Variants in ERC2 observed in about 807,000 individuals in gnomAD.
ERC2 encodes ERC protein 2.
In ERC2, 42 loss-of-function variants were observed where a neutral mutation model predicts 114.8. The ratio of observed to expected loss-of-function variants is 0.37; its 90% CI spans 0.29 to 0.47. ERC2 has a LOEUF of 0.47. ERC2 is among the 20% of genes least tolerant of loss of function. The pLI, the probability that ERC2 is intolerant of heterozygous loss-of-function variation, is 0.99. For synonymous variants in ERC2, 454 were observed against 425.5 expected (o/e 1.07, Z -0.82); for missense variants, 939 against 1,150.7 (o/e 0.82, Z 2.66).
intron 12 of ERC2, among the ~76,000 whole-genome samples, chr3:55,963,689 C>T (rs1266665502): frequency 2.0e-5 from 3 of 152,168 alleles, no homozygotes; most frequent in East Asian, 3.8e-4. Context: ...ATTCTAAAAG[C>T]CTACGACTCC....
chr3:56,068,577 CT>C (rs1162705098), intron 7 of ERC2, among the ~76,000 whole-genome samples: 1 of 151,986 alleles, frequency 6.6e-6, no homozygotes, highest in East Asian at 1.9e-4. Context: ...TATTTCCTGT[CT>C]TCAGTTAATT....
At chr3:56,279,354 T>A (rs2054202084) in intron 3 of ERC2, among the ~76,000 whole-genome samples, 1 of 152,182 alleles carries the variant, frequency 6.6e-6, no homozygotes, top group Non-Finnish European at 1.5e-5. Context: ...GAGCAATATA[T>A]GCACAAGTAG....
At chr3:55,561,571 T>G (rs1381266692) in intron 17 of ERC2, among the ~76,000 whole-genome samples, 1 of 152,220 alleles carries the variant, frequency 6.6e-6, no homozygotes, top group Non-Finnish European at 1.5e-5. Context: ...TCCTCATCCC[T>G]AAATTCTCTG....
At chr3:55,534,143 G>A (rs1329969089) in intron 17 of ERC2, among the ~76,000 whole-genome samples, 1 of 152,242 alleles carries the variant, frequency 6.6e-6, no homozygotes, top group East Asian at 1.9e-4. Context: ...GCACAGTGGG[G>A]TGCAGTGGCT....
chr3:55,598,335 G>C (rs933123449), intron 17 of ERC2, among the ~76,000 whole-genome samples: 12 of 152,200 alleles, frequency 7.9e-5, no homozygotes, highest in African/African-American at 2.9e-4. Flanking sequence ...CAGCCCAATA[G>C]TTAAAGAAGG....
chr3:56,112,016 CTG>C (rs2078987364), intron 6 of ERC2, among the ~76,000 whole-genome samples: 2 of 152,308 alleles, frequency 1.3e-5, no homozygotes, highest in South Asian at 4.1e-4. Flanking sequence ...CTCAGAGAAT[CTG>C]TGCAGAATAA....
At chr3:56,400,991 G>A (rs550074315) in intron 2 of ERC2, among the ~76,000 whole-genome samples, 2 of 152,258 alleles carry the variant, frequency 1.3e-5, no homozygotes, top group African/African-American at 4.8e-5. Context: ...CACCCTCTCT[G>A]GTTTGTTTTT....
At chr3:55,534,585 A>C (rs528558377) in intron 17 of ERC2, among the ~76,000 whole-genome samples, 1 of 152,040 alleles carries the variant, frequency 6.6e-6, no homozygotes, top group African/African-American at 2.4e-5. Flanking sequence ...AGTCCCACCT[A>C]CTTGGGAGGC....
At chr3:55,975,416 G>A (rs191364471) in intron 12 of ERC2, among the ~76,000 whole-genome samples, 5 of 152,116 alleles carry the variant, frequency 3.3e-5, no homozygotes. Flanking sequence ...TTAGTAGCTA[G>A]GTTTTTTTGT....
intron 17 of ERC2, among the ~76,000 whole-genome samples, chr3:55,633,437 T>C (rs2059834852): frequency 6.6e-6 from 1 of 152,102 alleles, no homozygotes; most frequent in South Asian, 2.1e-4. Context: ...ATAAAATAAC[T>C]CTATATCCCT....
chr3:56,020,199 G>T (rs1328288983), intron 7 of ERC2, among the ~76,000 whole-genome samples: 1 of 152,110 alleles, frequency 6.6e-6, no homozygotes, highest in South Asian at 2.1e-4. Flanking sequence ...TGGAGGACAT[G>T]GTCTTGGCTA....
chr3:55,883,589 T>C (rs1243122229), intron 14 of ERC2, among the ~76,000 whole-genome samples: 2 of 151,536 alleles, frequency 1.3e-5, no homozygotes, highest in South Asian at 2.1e-4. Context: ...TAAAACTGGA[T>C]AAATTGGAAT....
chr3:55,804,403 C>G (rs9813675), intron 14 of ERC2, among the ~76,000 whole-genome samples: 1 of 152,098 alleles, frequency 6.6e-6, no homozygotes, highest in Non-Finnish European at 1.5e-5. Flanking sequence ...GGGTGAGATG[C>G]GTCGGTTTGC....
At chr3:56,021,506 C>G (rs1249749209) in intron 7 of ERC2, among the ~76,000 whole-genome samples, 1 of 152,010 alleles carries the variant, frequency 6.6e-6, no homozygotes, top group East Asian at 1.9e-4. Flanking sequence ...CTACTTAATA[C>G]TAAATTGTCC....
chr3:56,036,408 G>A (rs1039317523), intron 7 of ERC2, among the ~76,000 whole-genome samples: 2 of 152,090 alleles, frequency 1.3e-5, no homozygotes, highest in Non-Finnish European at 1.5e-5. Context: ...AAAATCATCC[G>A]AATCTGGAAG....
At chr3:55,960,362 T>A (rs531590935) in intron 12 of ERC2, among the ~76,000 whole-genome samples, 3 of 152,256 alleles carry the variant, frequency 2.0e-5, no homozygotes, top group Admixed American at 2.0e-4. Context: ...CACTGGAAGG[T>A]ATAGGCACAG....
chr3:55,804,927 A>C (rs961928395), intron 14 of ERC2, among the ~76,000 whole-genome samples: 1 of 151,872 alleles, frequency 6.6e-6, no homozygotes, highest in African/African-American at 2.4e-5. Flanking sequence ...AAGTGTGGCA[A>C]CTCATAGGAG....
chr3:55,658,712 A>G (rs1208476023), intron 17 of ERC2: 1 of 152,724 alleles, frequency 6.5e-6, no homozygotes, highest in Non-Finnish European at 1.5e-5. Flanking sequence ...CATAATCAGA[A>G]GACTGAAGGA....
chr3:56,370,289 G>A (rs909326086), intron 2 of ERC2, among the ~76,000 whole-genome samples: 2 of 152,194 alleles, frequency 1.3e-5, no homozygotes, highest in Non-Finnish European at 2.9e-5. Context: ...CTCTGCCCTG[G>A]ATGGAATACA....
Sources: allele counts gnomAD v4.1 joint callset (sites outside exome capture counted in the v4.1 genomes callset), GRCh38; gene constraint gnomAD v4.1.1; transcripts MANE v1.5; gene names NCBI Gene and HGNC (gene_info 2026-07-23, HGNC 2026-07-21).